Variants in ACSL6 observed in about 807,000 individuals in gnomAD.
The protein encoded by ACSL6 is acyl-CoA synthetase long chain family member 6, also known as long-chain-fatty-acid--CoA ligase 6.
ACSL6 carries 47 observed loss-of-function variants against 98.2 expected under a neutral mutation model. That is an observed-to-expected ratio of 0.48 (90% CI 0.38 to 0.61). The LOEUF (loss-of-function observed/expected upper bound fraction) is 0.61. Among genes scored for constraint, ACSL6 ranks in the 20% least tolerant of loss-of-function variants. The pLI is 0.00. For synonymous variants in ACSL6, 362 were observed against 336.9 expected (o/e 1.07, Z -0.82); for missense variants, 761 against 913.4 (o/e 0.83, Z 2.15).
Position 131,968,039 on chromosome 5 carries a change from G to A in ACSL6, c.1508-11C>T, listed in dbSNP as rs377462504. 2.2e-5 allele frequency: 35 copies of A among 1,610,932 alleles called. No individual in the cohort carries two copies. Among genetic ancestry groups the A allele is most frequent in the Admixed American group, 2.2e-4 (13 of 59,870 alleles). ...GCGCCCCTACGTGCCCTGGAACACC[G>A]GAGCAAGATGGCATTTGTTAGTGTT... On this transcript the variant is annotated splice_polypyrimidine_tract_variant and intron_variant, in intron 15 of 20. Transcript: ENST00000651883.
chr5:131,993,930 G>A, intron 2 of ACSL6, 101 bp downstream of exon 2: 2 of 1,251,540 alleles, frequency 1.6e-6, no homozygotes, highest in Middle Eastern at 2.7e-4. Context: ...CCTTCTCTGG[G>A]CCATGTGAGG....
chr5:131,957,916 C>T (rs1327971424), intron 20 of ACSL6, among the ~76,000 whole-genome samples: 28 of 152,234 alleles, frequency 1.8e-4, no homozygotes, highest in South Asian at 2.1e-4. Context: ...AATCAAAAGG[C>T]GACAGCCTTG....
At chr5:131,975,028 A>T (rs1753542033) in intron 10 of ACSL6, 58 bp from the exon 11 acceptor site, 3 of 1,578,986 alleles carry the variant, frequency 1.9e-6, no homozygotes, top group Admixed American at 3.6e-5. Flanking sequence ...GAAGACGACA[A>T]GAGAATCATA....
At chr5:131,957,479 T>C (rs1204868534) in intron 20 of ACSL6, among the ~76,000 whole-genome samples, 2 of 152,244 alleles carry the variant, frequency 1.3e-5, no homozygotes. Context: ...CTCCATAAAT[T>C]AATAATGGTT....
chr5:131,960,558 C>T lies in ACSL6; in HGVS notation c.1921G>A (p.Gly641Arg), dbSNP rs893101074. 1.9e-6 allele frequency: 3 copies of T among 1,614,008 alleles called. No individual in the cohort carries two copies. In the African/African-American group the frequency reaches 4.0e-5, roughly 22 times the overall value. Reference sequence around the variant, plus strand: ...AGATCTGCATATGTTCCTTCAATTCCTCTCTTCTGGGCCCAGGAGGGCATA... The same window carrying T: ...AGATCTGCATATGTTCCTTCAATTCTTCTCTTCTGGGCCCAGGAGGGCATA... ...EVMPSWAQKR[G>R]IEGTYADLCT... The change falls in exon 19 of 21, where the codon GGA becomes AGA. Residue 641 changes from glycine (G) to arginine (R), a missense_variant. Transcript: ENST00000651883.
chr5:132,000,645 T>C (rs138735808), intron 1 of ACSL6, among the ~76,000 whole-genome samples: 1,831 of 152,104 alleles, frequency 0.012, 42 homozygotes, highest in African/African-American at 0.043. Flanking sequence ...ACAGCTAGAC[T>C]CATGGTGGCA....
At chr5:131,971,836 C>T (rs938747618) in intron 13 of ACSL6, among the ~76,000 whole-genome samples, 191 bp from the exon 14 acceptor site, 5 of 152,190 alleles carry the variant, frequency 3.3e-5, no homozygotes, top group Non-Finnish European at 7.3e-5. Context: ...ATGATAAACA[C>T]AATCAGCTCT....
At chr5:131,971,489 T>A in intron 14 of ACSL6, 61 bp downstream of exon 14, 1 of 1,399,084 alleles carries the variant, frequency 7.1e-7, no homozygotes, top group Non-Finnish European at 9.7e-7. Flanking sequence ...GAGGGTATAG[T>A]AGTTTTCCTG....
chr5:131,983,037 A>G (rs1370339451), intron 9 of ACSL6: 1 of 152,266 alleles, frequency 6.6e-6, no homozygotes, highest in Non-Finnish European at 1.5e-5. Flanking sequence ...CTAAAAACAC[A>G]TAGACTGAAA....
chr5:131,978,845 G>A lies in ACSL6; in HGVS notation c.917-2124C>T, dbSNP rs369852721. On this transcript the variant is annotated intron_variant, in intron 9 of 20. Coordinates refer to ENST00000651883, the MANE Select transcript of ACSL6 (RefSeq NM_001009185.3). ...GGTGACCCATTTGTCAGAGATAAGA[G>A]CATCAGGCATGGCCCAATCTTTGAA... Among the ~76,000 whole-genome samples, 3 of 152,178 alleles carry A rather than the reference G, an allele frequency of 2.0e-5. No homozygotes were observed. The East Asian group carries it at 5.8e-4, about 29-fold the overall frequency.
chr5:131,977,870 G>A (rs576345168), intron 9 of ACSL6, among the ~76,000 whole-genome samples: 15 of 152,242 alleles, frequency 9.9e-5, no homozygotes, highest in African/African-American at 3.1e-4. Flanking sequence ...GGGGTGGGGA[G>A]AGAAAGAGAG....
chr5:131,997,309 A>G (rs1363659519), intron 1 of ACSL6, among the ~76,000 whole-genome samples: 1 of 152,240 alleles, frequency 6.6e-6, no homozygotes, highest in Non-Finnish European at 1.5e-5. Context: ...CACCTTGTTC[A>G]GCAAGCGAGG....
chr5:131,981,354 T>G (rs1342382148), intron 9 of ACSL6, among the ~76,000 whole-genome samples: 2 of 150,858 alleles, frequency 1.3e-5, no homozygotes, highest in Non-Finnish European at 3.0e-5. Context: ...AACACAACTT[T>G]CTCCTCAAGT....
At chr5:131,989,311 G>A in intron 5 of ACSL6, 96 bp downstream of exon 5, 1 of 1,211,218 alleles carries the variant, frequency 8.3e-7, no homozygotes, top group South Asian at 1.4e-5. Flanking sequence ...TTTTTCTTTT[G>A]TCCTGGGCCC....
chr5:131,971,556 C>G lies in ACSL6; in HGVS notation c.1428G>C (p.Gly476=). The G allele has an allele frequency of 6.2e-7, 1 of 1,607,618 alleles. No individual in the cohort carries two copies. Among genetic ancestry groups the G allele is most frequent in the Non-Finnish European group, 8.5e-7 (1 of 1,176,586 alleles). ...TVLGFLRAAL[G]CQVYEGYGQT... is the part of the protein sequence containing the mutation. ...GGACACACAATGACAATACCTGGCA[C>G]CCTAGAGCTGCCCGGAGAAATCCCA... Residue 476 remains glycine (G), a synonymous_variant, in exon 14 of 21, where the codon GGG becomes GGC. Transcript: ENST00000651883.
Position 132,011,413 on chromosome 5 carries a change from C to T in ACSL6, c.49+92G>A. 3.6e-6 allele frequency: 5 copies of T among 1,387,782 alleles called. No homozygotes were observed. The highest frequency in any genetic ancestry group is 4.1e-6 in the Non-Finnish European group (4 of 984,996). The allele number at this position is 1,387,782 out of a possible 1,614,324, so 86.0% of individuals were successfully genotyped here. On this transcript the variant is annotated intron_variant, in intron 1 of 20. Coordinates refer to ENST00000651883, the MANE Select transcript of ACSL6 (RefSeq NM_001009185.3). This position sits in a 1 kb window ranked among gnomAD's most constrained non-coding sequence, Gnocchi z 5.4. The stretch of plus-strand genomic sequence containing the variant: ...TCAGCAGCAGGGGATGGGGGCTCGG[C>T]GGCCGCGGAGATGTAACACCTCCAC...
chr5:131,999,015 G>C (rs1054035310), intron 1 of ACSL6, among the ~76,000 whole-genome samples: 1 of 152,102 alleles, frequency 6.6e-6, no homozygotes, highest in African/African-American at 2.4e-5. Flanking sequence ...TCTTCAAAAC[G>C]GGTGGGGAAG....
At chr5:131,964,308 G>C (rs977748170) in intron 17 of ACSL6, among the ~76,000 whole-genome samples, 1 of 152,216 alleles carries the variant, frequency 6.6e-6, no homozygotes, top group East Asian at 1.9e-4. Flanking sequence ...TCATGATTAA[G>C]TTGAATTATG....
chr5:131,954,996 C>T (rs1752324151), intron 20 of ACSL6, among the ~76,000 whole-genome samples: 1 of 152,004 alleles, frequency 6.6e-6, no homozygotes, highest in South Asian at 2.1e-4. Context: ...GGTAGATGAG[C>T]CATTTTATGG....
Sources: allele counts gnomAD v4.1 joint callset (sites outside exome capture counted in the v4.1 genomes callset), GRCh38; gene constraint gnomAD v4.1.1; non-coding constraint Gnocchi (gnomAD v3.1); transcripts MANE v1.5; gene names NCBI Gene and HGNC (gene_info 2026-07-23, HGNC 2026-07-21).